LTBP1: variants seen among roughly 807,000 people sequenced by gnomAD.
LTBP1 encodes the protein latent-transforming growth factor beta-binding protein 1.
Under a neutral mutation model 207.6 loss-of-function variants are expected in LTBP1, and 129 were observed. The observed-to-expected ratio is 0.62, with a 90% CI of 0.54 to 0.72. The LOEUF (loss-of-function observed/expected upper bound fraction) is 0.72. Ranked by LOEUF, LTBP1 falls within the 30% of genes least tolerant of loss-of-function variation. LTBP1 has a pLI of 0.00. For missense variants in LTBP1, 2,281 were observed against 2,217.2 expected (o/e 1.03, Z -0.58); for synonymous variants, 963 against 833.7 (o/e 1.16, Z -2.67).
chr2:33,247,436 T>G (rs1380074256), intron 10 of LTBP1, among the ~76,000 whole-genome samples: 1 of 152,156 alleles, frequency 6.6e-6, no homozygotes, highest in Non-Finnish European at 1.5e-5. Context: ...AGATCAGGAG[T>G]TGGCAAATTA....
rs1262456079 is a variant in LTBP1, at chr2:33,127,056, C to T, written c.1034-7737C>T. Among the ~76,000 whole-genome samples the T allele has an allele frequency of 5.3e-5, 8 of 152,040 alleles. 1 individual carries two copies. Among genetic ancestry groups the T allele is most frequent in the African/African-American group, 1.9e-4 (8 of 41,394 alleles). The stretch of plus-strand genomic sequence containing the variant: ...GGTGCTTCTTAAAATATAATGCATT[C>T]AAGTTATAATTTTATTTTTGTTTGC... On this transcript the variant is annotated intron_variant, in intron 4 of 33. Transcript: ENST00000404816.
intron 7 of LTBP1, among the ~76,000 whole-genome samples, chr2:33,204,463 A>G (rs116175536): frequency 0.011 from 1,616 of 152,372 alleles, 24 homozygotes; most frequent in African/African-American, 0.036. Context: ...AAAGAGAGCA[A>G]TGCCTCCAAG....
intron 5 of LTBP1, among the ~76,000 whole-genome samples, chr2:33,154,978 A>C (rs1457655916): frequency 6.6e-6 from 1 of 152,086 alleles, no homozygotes; most frequent in East Asian, 1.9e-4. Flanking sequence ...CAGGAGAATC[A>C]CTTGAACCTG....
At position 33,134,833 on chromosome 2, in the gene LTBP1, G is replaced by A. The variant is rs1235531193; in HGVS notation, c.1074G>A (p.Pro358=). 8.7e-6 allele frequency: 14 copies of A among 1,613,998 alleles called. No homozygotes were observed. The Admixed American group carries it at 1.2e-4, about 13-fold the overall frequency. Residue 358 remains proline (P), a synonymous_variant, in exon 5 of 34, where the codon CCG becomes CCA. Coordinates refer to ENST00000404816, the MANE Select transcript of LTBP1 (RefSeq NM_206943.4). The surrounding 1 kb of genome is among the most constrained non-coding windows in gnomAD (Gnocchi z 4.4). ...GCCGCATCAAGGTGGTCTTTACTCC[G>A]AGCATCTGTAAAGTGACCTGCACCA... The part of the protein sequence containing the change: ...HTGRIKVVFT[P]SICKVTCTKG...
chr2:33,341,729 A>AAAAAAAAAAATATATAT (rs745445793), intron 24 of LTBP1, among the ~76,000 whole-genome samples: 2 of 93,636 alleles, frequency 2.1e-5, no homozygotes, highest in African/African-American at 1.0e-4. Flanking sequence ...AAAAAAAAAA[A>AAAAAAAAAAATATATAT]ATATATATAT....
intron 5 of LTBP1, among the ~76,000 whole-genome samples, chr2:33,169,703 G>C (rs533704183): frequency 2.6e-4 from 40 of 152,224 alleles, no homozygotes; most frequent in African/African-American, 9.4e-4. Flanking sequence ...ACAGGAAATA[G>C]ATTGACAAAG....
intron 9 of LTBP1, among the ~76,000 whole-genome samples, chr2:33,224,840 AC>A (rs2091340947): frequency 6.6e-6 from 1 of 152,114 alleles, no homozygotes; most frequent in South Asian, 2.1e-4. Flanking sequence ...TATCAATGTT[AC>A]CAATTTTTCC....
chr2:33,392,713 A>C (rs2095325474), intron 32 of LTBP1, among the ~76,000 whole-genome samples: 2 of 152,116 alleles, frequency 1.3e-5, no homozygotes, highest in Non-Finnish European at 1.5e-5. Context: ...ATGTGTGGGG[A>C]GTTTCAAGTT....
chr2:33,215,493 G>T, intron 7 of LTBP1, among the ~76,000 whole-genome samples: 1 of 152,066 alleles, frequency 6.6e-6, no homozygotes, highest in African/African-American at 2.4e-5. Context: ...TCTGTGGTTT[G>T]GTCTTGTTTT....
In LTBP1 at chr2:33,262,720, A is replaced by G; in HGVS notation, c.2419-2A>G. 1.3e-6 allele frequency: 2 copies of G among 1,552,570 alleles called. No homozygotes were observed. Among genetic ancestry groups the G allele is most frequent in the Non-Finnish European group, 1.8e-6 (2 of 1,134,796 alleles). ...ATTCTCTTTTAAAATACAACCATCC[A>G]GGAAATACCTTCATTGGATCAAGAG... On this transcript the variant is annotated splice_acceptor_variant, in intron 13 of 33. Coordinates refer to ENST00000404816, the MANE Select transcript of LTBP1 (RefSeq NM_206943.4). LOFTEE classifies it high-confidence loss of function.
At position 33,301,598 on chromosome 2, in the gene LTBP1, G is replaced by T; in HGVS notation, c.3435G>T (p.Val1145=). ...ACACTGAGGGCTCTTTTCAATGTGTGTGTGACCAGGGTTACAGAGCATCTG... is the reference window on the plus strand; with the variant it reads ...ACACTGAGGGCTCTTTTCAATGTGTTTGTGACCAGGGTTACAGAGCATCTG... ...CRNTEGSFQC[V]CDQGYRASGL... Residue 1145 remains valine (V), a synonymous_variant, in exon 22 of 34, where the codon GTG becomes GTT. Coordinates refer to ENST00000404816, the MANE Select transcript of LTBP1 (RefSeq NM_206943.4). The T allele has an allele frequency of 6.2e-7, 1 of 1,612,506 alleles. No homozygotes were observed. Among genetic ancestry groups the T allele is most frequent in the Non-Finnish European group, 8.5e-7 (1 of 1,179,290 alleles).
intron 4 of LTBP1, 49 bp downstream of exon 4, chr2:33,110,800 T>G: frequency 6.4e-7 from 1 of 1,572,576 alleles, no homozygotes; most frequent in Non-Finnish European, 8.7e-7. Context: ...TATCAGAGAT[T>G]GGAAACACTT....
At chr2:33,147,606 C>T (rs1407507834) in intron 5 of LTBP1, among the ~76,000 whole-genome samples, 1 of 152,100 alleles carries the variant, frequency 6.6e-6, no homozygotes, top group African/African-American at 2.4e-5. Context: ...ATATGTTAAC[C>T]TTTTTCAAAT....
rs550955063 is a variant in LTBP1 at position 33,055,685 on chromosome 2, C to T, written c.863+34479C>T. On this transcript the variant is annotated intron_variant, in intron 3 of 33. Coordinates refer to ENST00000404816, the MANE Select transcript of LTBP1 (RefSeq NM_206943.4). Reference sequence around the variant, plus strand: ...CTCCAAGTGAGGTCAAAGGTTTGCCCTAGACCCTGTAGGACATCTATGTAC... The same window carrying T: ...CTCCAAGTGAGGTCAAAGGTTTGCCTTAGACCCTGTAGGACATCTATGTAC... Among the ~76,000 whole-genome samples the T allele has an allele frequency of 7.2e-5, 11 of 152,306 alleles. No homozygotes were observed. In the East Asian group the frequency reaches 2.1e-3, roughly 29 times the overall value.
chr2:33,134,472 C>A lies in LTBP1; in HGVS notation c.1034-321C>A, dbSNP rs539094221. On this transcript the variant is annotated intron_variant, in intron 4 of 33. Coordinates refer to ENST00000404816, the MANE Select transcript of LTBP1 (RefSeq NM_206943.4). The surrounding 1 kb of genome is among the most constrained non-coding windows in gnomAD (Gnocchi z 4.4). Reference sequence around the variant, plus strand: ...AATCTGTCGTGCCCTCGGTATTGCTCTTTGTCTGCCCGTGAATAAAGTGCA... The same window carrying A: ...AATCTGTCGTGCCCTCGGTATTGCTATTTGTCTGCCCGTGAATAAAGTGCA... The A allele has an allele frequency of 8.8e-6, 10 of 1,140,610 alleles. No homozygotes were observed. In the South Asian group the frequency reaches 1.3e-4, roughly 15 times the overall value. The allele number at this position is 1,140,610 out of a possible 1,614,324, so 70.7% of individuals were successfully genotyped here.
At chr2:33,354,907 G>A (rs776320630) in intron 26 of LTBP1, among the ~76,000 whole-genome samples, 17 of 152,040 alleles carry the variant, frequency 1.1e-4, no homozygotes, top group Non-Finnish European at 1.9e-4. Flanking sequence ...TGCACAGCTC[G>A]TTTTTAAAAT....
At chr2:33,309,021 G>C (rs2094141308) in intron 22 of LTBP1, among the ~76,000 whole-genome samples, 1 of 152,096 alleles carries the variant, frequency 6.6e-6, no homozygotes, top group Admixed American at 6.6e-5. Context: ...GGTGGCTCAT[G>C]TCTGTAATCT....
At chr2:32,990,802 ATCTTGG>A (rs1684292031) in intron 2 of LTBP1, among the ~76,000 whole-genome samples, 1 of 152,012 alleles carries the variant, frequency 6.6e-6, no homozygotes, top group African/African-American at 2.4e-5. Flanking sequence ...CAGCATTTTC[ATCTTGG>A]TGGGAGAAAA....
intron 11 of LTBP1, among the ~76,000 whole-genome samples, chr2:33,256,452 G>A (rs1442152383): frequency 1.3e-5 from 2 of 151,720 alleles, no homozygotes; most frequent in Non-Finnish European, 2.9e-5. Context: ...TGAGGATTTC[G>A]GCATCTCATT....
Sources: allele counts gnomAD v4.1 joint callset (sites outside exome capture counted in the v4.1 genomes callset), GRCh38; gene constraint gnomAD v4.1.1; non-coding constraint Gnocchi (gnomAD v3.1); transcripts MANE v1.5; gene names NCBI Gene and HGNC (gene_info 2026-07-23, HGNC 2026-07-21).